ARHGAP32: variants seen among roughly 807,000 people sequenced by gnomAD.
The protein encoded by ARHGAP32 is Rho GTPase activating protein 32.
Under a neutral mutation model 186.5 loss-of-function variants are expected in ARHGAP32, and 51 were observed. The observed-to-expected ratio is 0.27, with a 90% CI of 0.22 to 0.35. The LOEUF is 0.35. Ranked by LOEUF, ARHGAP32 falls within the 10% of genes least tolerant of loss-of-function variation. ARHGAP32 has a pLI of 1.00. For missense variants in ARHGAP32, 2,186 were observed against 2,623.5 expected, an observed-to-expected ratio of 0.83 and a Z score of 3.64; for synonymous variants, 950 against 964.3, an observed-to-expected ratio of 0.99 and a Z score of 0.27.
chr11:129,124,832 T>C lies in ARHGAP32; in HGVS notation c.288A>G (p.Thr96=), dbSNP rs969185318. Residue 96 remains threonine, a synonymous_variant, in exon 3 of 23, where the codon ACA becomes ACG. Coordinates refer to ENST00000682385, the MANE Select transcript of ARHGAP32 (RefSeq NM_001378024.1). Reference sequence around the variant, plus strand: ...TCACATGCTTAACCTTCATACTGGCTGTACTGCCACACGTCTTAAGAGTAA... The same window carrying C: ...TCACATGCTTAACCTTCATACTGGCCGTACTGCCACACGTCTTAAGAGTAA... ...GDLTLKTCGS[T]ASMKVKHVKK... The C allele has an allele frequency of 1.2e-6, 2 of 1,610,896 alleles. No individual in the cohort carries two copies. The highest frequency in any genetic ancestry group is 1.7e-6 in the Non-Finnish European group (2 of 1,178,462).
intron 2 of ARHGAP32, among the ~76,000 whole-genome samples, chr11:129,148,013 T>C (rs1842762526): frequency 6.6e-6 from 1 of 152,168 alleles, no homozygotes; most frequent in Non-Finnish European, 1.5e-5. Context: ...AATAAAACTA[T>C]TTCCCATCTG....
chr11:129,149,820 T>C (rs1320575737), intron 2 of ARHGAP32, among the ~76,000 whole-genome samples: 5 of 151,406 alleles, frequency 3.3e-5, no homozygotes, highest in South Asian at 4.2e-4. Flanking sequence ...AAAAAAAATA[T>C]CAGAAGGTTG....
chr11:129,046,461 C>T (rs374042328), intron 10 of ARHGAP32, among the ~76,000 whole-genome samples: 8 of 152,284 alleles, frequency 5.3e-5, no homozygotes, highest in African/African-American at 1.9e-4. Context: ...CCTCTAACAG[C>T]TTCTGATAAT....
upstream of ARHGAP32, among the ~76,000 whole-genome samples, chr11:129,193,617 GTTATATA>G (rs1412003442): frequency 1.6e-3 from 76 of 48,006 alleles, no homozygotes; most frequent in Non-Finnish European, 2.9e-3. Context: ...TATAATATAT[GTTATATA>G]ATATATATAA....
At chr11:129,126,131 A>C (rs1445271570) in intron 2 of ARHGAP32, 1 of 246,948 alleles carries the variant, frequency 4.0e-6, no homozygotes, top group African/African-American at 2.3e-5. Flanking sequence ...AATAAAAAGT[A>C]TATTTTTAAA....
intron 6 of ARHGAP32, among the ~76,000 whole-genome samples, chr11:129,087,925 G>T (rs1330260313): frequency 6.6e-6 from 1 of 152,058 alleles, no homozygotes; most frequent in Non-Finnish European, 1.5e-5. Context: ...TTAATTTTTT[G>T]AAAAATAATC....
At chr11:129,093,504 A>T (rs896162982) in intron 6 of ARHGAP32, 117 bp downstream of exon 6, 9 of 702,530 alleles carry the variant, frequency 1.3e-5, no homozygotes, top group Non-Finnish European at 2.2e-5. Flanking sequence ...AGTATTATAT[A>T]AGTATTTTTC....
Position 128,968,808 on chromosome 11 carries a change from G to A in ARHGAP32, c.*99C>T. 5.2e-6 allele frequency: 5 copies of A among 969,234 alleles called. No homozygotes were observed. The highest frequency in any genetic ancestry group is 4.2e-6 in the Non-Finnish European group (3 of 720,398). 60.0% of individuals were successfully genotyped at this position (969,234 alleles called of 1,614,324 possible). Reference sequence around the variant, plus strand: ...TTATCATTTTTTAAATGTGGTCAGGGGTTTTATAGTATTTTTTGTTTAATC... The same window carrying A: ...TTATCATTTTTTAAATGTGGTCAGGAGTTTTATAGTATTTTTTGTTTAATC... On this transcript the variant is annotated 3_prime_UTR_variant, in exon 23 of 23. Transcript: ENST00000682385.
At chr11:129,199,163 A>G (rs1164253396) in intron 1 of ARHGAP32, among the ~76,000 whole-genome samples, 2 of 152,228 alleles carry the variant, frequency 1.3e-5, no homozygotes, top group African/African-American at 4.8e-5. Flanking sequence ...ATTCAGTTTT[A>G]TAAGGGAAAC....
intron 1 of ARHGAP32, among the ~76,000 whole-genome samples, chr11:129,205,876 C>T (rs897037289): frequency 3.9e-4 from 60 of 152,132 alleles, no homozygotes; most frequent in African/African-American, 1.4e-3. Context: ...ACTCAAATAT[C>T]ATTTAATTTA....
intron 11 of ARHGAP32, among the ~76,000 whole-genome samples, chr11:129,009,803 G>A (rs188686304): frequency 1.1e-3 from 172 of 152,222 alleles, no homozygotes; most frequent in African/African-American, 4.1e-3. Flanking sequence ...ACGTACGGGT[G>A]CGTGTATCTT....
intron 7 of ARHGAP32, 73 bp from the exon 8 acceptor site, chr11:129,065,006 C>T: frequency 1.6e-6 from 2 of 1,242,590 alleles, no homozygotes; most frequent in Non-Finnish European, 2.3e-6. Flanking sequence ...TGGATGGTTT[C>T]TGGAAGAAAA....
intron 11 of ARHGAP32, among the ~76,000 whole-genome samples, chr11:129,007,931 C>T (rs1366491391): frequency 6.6e-6 from 1 of 152,140 alleles, no homozygotes; most frequent in Non-Finnish European, 1.5e-5. Flanking sequence ...CTAGGGCTGT[C>T]TAAATGGCCC....
chr11:129,187,286 T>A (rs1944181856), intron 1 of ARHGAP32, among the ~76,000 whole-genome samples: 2 of 152,082 alleles, frequency 1.3e-5, no homozygotes, highest in Non-Finnish European at 1.5e-5. Flanking sequence ...CATCACATGT[T>A]CTCACTTATT....
At chr11:129,220,246 G>A (rs1274130398) in intron 1 of ARHGAP32, among the ~76,000 whole-genome samples, 6 of 152,030 alleles carry the variant, frequency 3.9e-5, no homozygotes, top group Admixed American at 3.3e-4. Context: ...GAGTGTCCAG[G>A]AGCACAGAGA....
chr11:129,179,265 A>G (rs1943994234), intron 1 of ARHGAP32, among the ~76,000 whole-genome samples: 1 of 152,224 alleles, frequency 6.6e-6, no homozygotes, highest in Non-Finnish European at 1.5e-5. Flanking sequence ...CACCAGTTAG[A>G]ATGGCAATCA....
intron 1 of ARHGAP32, among the ~76,000 whole-genome samples, chr11:129,242,704 C>A (rs1450338250): frequency 6.8e-6 from 1 of 147,460 alleles, no homozygotes; most frequent in Non-Finnish European, 1.5e-5. Context: ...GGTGACAGAG[C>A]GAGACTCCAC....
At chr11:129,220,329 G>C (rs1393461906) in intron 1 of ARHGAP32, among the ~76,000 whole-genome samples, 1 of 152,148 alleles carries the variant, frequency 6.6e-6, no homozygotes, top group African/African-American at 2.4e-5. Context: ...ATACGGCACA[G>C]AACTAAGAAT....
intron 1 of ARHGAP32, among the ~76,000 whole-genome samples, chr11:129,211,750 A>G (rs1347297587): frequency 2.0e-5 from 3 of 152,244 alleles, no homozygotes. Flanking sequence ...TTTAATGATC[A>G]GGCATTTACA....
Sources: allele counts gnomAD v4.1 joint callset (sites outside exome capture counted in the v4.1 genomes callset), GRCh38; gene constraint gnomAD v4.1.1; transcripts MANE v1.5; gene names NCBI Gene and HGNC (gene_info 2026-07-23, HGNC 2026-07-21).